Variants in RARB observed in about 807,000 individuals in gnomAD.
RARB encodes the protein retinoic acid receptor beta.
RARB carries 17 observed loss-of-function variants against 51.9 expected under a neutral mutation model. The observed-to-expected ratio is 0.33, with a 90% CI of 0.22 to 0.49. RARB has a LOEUF of 0.49. Ranked by LOEUF, RARB falls within the 20% of genes least tolerant of loss-of-function variation. RARB has a pLI of 0.99. For synonymous variants in RARB, 215 were observed against 195.4 expected (o/e 1.10, Z -0.84); for missense variants, 369 against 550.8 (o/e 0.67, Z 3.30).
intron 2 of RARB, among the ~76,000 whole-genome samples, chr3:24,881,983 C>T (rs1703175758): frequency 6.6e-6 from 1 of 151,928 alleles, no homozygotes; most frequent in Non-Finnish European, 1.5e-5. Context: ...TAATTATGTG[C>T]CACATGACTC....
chr3:25,015,826 C>A (rs1325876595), intron 2 of RARB, among the ~76,000 whole-genome samples: 3 of 152,160 alleles, frequency 2.0e-5, no homozygotes, highest in African/African-American at 7.2e-5. Context: ...ATAGTGAGAA[C>A]AAATAGCTGA....
intron 5 of RARB, among the ~76,000 whole-genome samples, chr3:25,192,633 T>C (rs1347454471): frequency 6.6e-6 from 1 of 152,070 alleles, no homozygotes; most frequent in Non-Finnish European, 1.5e-5. Flanking sequence ...AGTTTTTGGT[T>C]TGCCATAATT....
intron 5 of RARB, among the ~76,000 whole-genome samples, chr3:25,307,299 A>G (rs932513216): frequency 2.0e-5 from 3 of 151,990 alleles, no homozygotes; most frequent in Admixed American, 6.6e-5. Flanking sequence ...AGGCACAAGA[A>G]TCGCTTGAAC....
intron 4 of RARB, among the ~76,000 whole-genome samples, chr3:25,146,416 G>A (rs1700190670): frequency 6.6e-6 from 1 of 151,922 alleles, no homozygotes; most frequent in Non-Finnish European, 1.5e-5. Context: ...AAGGGGGCAG[G>A]GTTATATCCC....
intron 3 of RARB, among the ~76,000 whole-genome samples, chr3:25,520,157 A>G (rs1698343768): frequency 6.6e-6 from 1 of 152,174 alleles, no homozygotes; most frequent in African/African-American, 2.4e-5. Flanking sequence ...AACCTAAAAT[A>G]TCTACTATCT....
At chr3:25,565,735 G>A (rs539513681) in intron 3 of RARB, among the ~76,000 whole-genome samples, 2 of 152,228 alleles carry the variant, frequency 1.3e-5, no homozygotes, top group East Asian at 3.9e-4. Context: ...TTGGTGTTTA[G>A]GTCATCCATT....
intron 2 of RARB, among the ~76,000 whole-genome samples, chr3:25,469,096 C>T (rs1575433664): frequency 6.6e-6 from 1 of 152,206 alleles, no homozygotes. Context: ...GTCCATTTTT[C>T]TCATCTGCCT....
chr3:25,593,447 T>G, intron 5 of RARB, 56 bp from the exon 6 acceptor site: 9 of 1,486,394 alleles, frequency 6.1e-6, no homozygotes, highest in Middle Eastern at 1.7e-4. Flanking sequence ...TACATCTGAT[T>G]GATGATTTCA....
intron 3 of RARB, among the ~76,000 whole-genome samples, chr3:25,521,855 A>G (rs1698414713): frequency 6.6e-6 from 1 of 152,162 alleles, no homozygotes; most frequent in African/African-American, 2.4e-5. Flanking sequence ...CTCTTCATTG[A>G]AAATCATATT....
At chr3:24,967,306 A>AT (rs969578401) in intron 2 of RARB, among the ~76,000 whole-genome samples, 2 of 152,142 alleles carry the variant, frequency 1.3e-5, no homozygotes, top group Non-Finnish European at 2.9e-5. Flanking sequence ...ATTTGAGCTT[A>AT]TGACCTTGGA....
chr3:25,341,103 C>T (rs1705214063), intron 5 of RARB, among the ~76,000 whole-genome samples: 1 of 152,192 alleles, frequency 6.6e-6, no homozygotes, highest in Admixed American at 6.5e-5. Flanking sequence ...TTTGCCTCTA[C>T]AGCTTCTTCT....
chr3:25,071,931 G>A (rs1483871833), intron 3 of RARB, among the ~76,000 whole-genome samples: 3 of 152,184 alleles, frequency 2.0e-5, no homozygotes, highest in African/African-American at 7.2e-5. Flanking sequence ...ATATTTAAAT[G>A]CTTTTGGGAC....
chr3:25,001,654 TAAG>T (rs1171498456), intron 2 of RARB, among the ~76,000 whole-genome samples: 3 of 150,450 alleles, frequency 2.0e-5, no homozygotes, highest in Middle Eastern at 6.8e-3. Context: ...GTGCTGCTGA[TAAG>T]AAATCAATTC....
At chr3:25,320,611 T>C (rs1704544393) in intron 5 of RARB, among the ~76,000 whole-genome samples, 1 of 152,240 alleles carries the variant, frequency 6.6e-6, no homozygotes, top group South Asian at 2.1e-4. Flanking sequence ...TTATTATTGC[T>C]TCTAAATGCT....
At chr3:24,966,537 G>A (rs983378610) in intron 2 of RARB, among the ~76,000 whole-genome samples, 18 of 151,500 alleles carry the variant, frequency 1.2e-4, no homozygotes, top group Admixed American at 4.6e-4. Flanking sequence ...ACACTCCTTC[G>A]TCTGATTAAG....
chr3:25,501,255 A>G lies in RARB; in HGVS notation c.380A>G (p.Lys127Arg). 1 of 1,612,582 alleles carries G rather than the reference A, an allele frequency of 6.2e-7. No homozygotes were observed. Among genetic ancestry groups the G allele is most frequent in the Admixed American group, 1.7e-5 (1 of 59,710 alleles). Reference protein sequence around the residue: ...CHRDKNCVINKVTRNRCQYCR... With the variant: ...CHRDKNCVINRVTRNRCQYCR... ...CGAGATAAGAACTGTGTTATTAATA[A>G]AGTCACCAGGAATCGATGCCAATAC... The change falls in exon 3 of 8, where the codon AAA becomes AGA. Residue 127 changes from lysine to arginine, a missense_variant. By Grantham distance (26) the Lys-to-Arg change is conservative. Coordinates refer to ENST00000330688, the MANE Select transcript of RARB (RefSeq NM_000965.5).
chr3:24,900,670 G>C (rs1291768774), intron 2 of RARB, among the ~76,000 whole-genome samples: 1 of 152,168 alleles, frequency 6.6e-6, no homozygotes, highest in East Asian at 1.9e-4. Flanking sequence ...CAATAGAGTT[G>C]TTTGCCTATT....
chr3:25,264,468 G>A (rs146746728), intron 5 of RARB, among the ~76,000 whole-genome samples: 1 of 152,104 alleles, frequency 6.6e-6, no homozygotes, highest in Non-Finnish European at 1.5e-5. Context: ...TTCTGTTGTT[G>A]GATCTTCAAG....
chr3:25,161,535 T>C (rs994428500), intron 4 of RARB, among the ~76,000 whole-genome samples: 3 of 152,126 alleles, frequency 2.0e-5, no homozygotes, highest in Admixed American at 6.5e-5. Context: ...AAATTAACGA[T>C]ACTTCTGCTT....
Sources: allele counts gnomAD v4.1 joint callset (sites outside exome capture counted in the v4.1 genomes callset), GRCh38; gene constraint gnomAD v4.1.1; transcripts MANE v1.5; gene names NCBI Gene and HGNC (gene_info 2026-07-23, HGNC 2026-07-21).